Variants in SLC12A7 observed in about 807,000 individuals in gnomAD.
SLC12A7 encodes K-Cl cotransporter 4.
SLC12A7 carries 100 observed loss-of-function variants against 120.6 expected under a neutral mutation model. The ratio of observed to expected loss-of-function variants is 0.83; its 90% CI spans 0.71 to 0.98. The LOEUF (loss-of-function observed/expected upper bound fraction) is 0.98. SLC12A7 is among the 50% of genes least tolerant of loss of function. The pLI is 0.00. For synonymous variants in SLC12A7, 760 were observed against 678.0 expected (o/e 1.12, Z -1.88); for missense variants, 1,373 against 1,548.1 (o/e 0.89, Z 1.90).
chr5:1,094,760 G>A (rs759046682), intron 1 of SLC12A7, among the ~76,000 whole-genome samples: 41 of 152,188 alleles, frequency 2.7e-4, no homozygotes, highest in Non-Finnish European at 4.9e-4. Flanking sequence ...GGGACACAGA[G>A]GACTTCCCAC....
chr5:1,154,154 C>A, the SLC12A7 span, among the ~76,000 whole-genome samples: 1 of 151,922 alleles, frequency 6.6e-6, no homozygotes, highest in Non-Finnish European at 1.5e-5. Context: ...GTCCCGTCCA[C>A]CTCATCTCCA....
chr5:1,119,507 G>A, the SLC12A7 span, among the ~76,000 whole-genome samples: 29 of 152,348 alleles, frequency 1.9e-4, no homozygotes, highest in African/African-American at 7.0e-4. Context: ...TGCCTTGGCT[G>A]CACCATGACC....
the SLC12A7 span, among the ~76,000 whole-genome samples, chr5:1,126,168 C>A: frequency 1.4e-4 from 22 of 152,248 alleles, no homozygotes; most frequent in African/African-American, 5.3e-4. Flanking sequence ...GCAGCCTCCA[C>A]CTCCCAGGTT....
At position 1,052,434 on chromosome 5, in the gene SLC12A7, C is replaced by T. The variant is rs1178951951; in HGVS notation, c.3178G>A (p.Val1060Ile). 1 of 1,612,856 alleles carries T rather than the reference C, an allele frequency of 6.2e-7. No homozygotes were observed. Among genetic ancestry groups the T allele is most frequent in the South Asian group, 1.1e-5 (1 of 91,078 alleles). ...ACTCTGTTCAGCCCCTCGGTCAGGA[C>T]TTCAAGAAACTCCATGTCTGTGGTC... ...GDENYMEFLE[V>I]LTEGLNRVLL... Residue 1060 changes from valine to isoleucine, a missense_variant, in exon 24 of 24, where the codon GTC becomes ATC. Transcript: ENST00000264930.
chr5:1,079,525 C>G (rs1035845547), intron 9 of SLC12A7, 29 bp from the exon 10 acceptor site: 1 of 1,571,142 alleles, frequency 6.4e-7, no homozygotes, highest in Non-Finnish European at 8.8e-7. Context: ...CTGCAAAGAC[C>G]CATCTGAGGA....
intron 8 of SLC12A7, among the ~76,000 whole-genome samples, chr5:1,082,119 C>T (rs1739214321): frequency 7.1e-6 from 1 of 141,772 alleles, no homozygotes; most frequent in East Asian, 2.3e-4. Context: ...CTGGAAAGTC[C>T]GGGCTTCCCC....
At chr5:1,092,822 A>ACC (rs1740668766) in intron 3 of SLC12A7, among the ~76,000 whole-genome samples, 1 of 151,984 alleles carries the variant, frequency 6.6e-6, no homozygotes, top group Non-Finnish European at 1.5e-5. Context: ...AAACTGAGCC[A>ACC]CCCGCCGCAC....
chr5:1,075,198 G>A (rs1348769766), intron 15 of SLC12A7, among the ~76,000 whole-genome samples, 173 bp downstream of exon 15: 4 of 152,172 alleles, frequency 2.6e-5, no homozygotes, highest in Non-Finnish European at 5.9e-5. Context: ...AAGTGGGAGG[G>A]AAACCCCAGC....
Position 1,077,971 on chromosome 5 carries a change from G to A in SLC12A7, c.1491C>T (p.Gly497=), listed in dbSNP as rs201854653. 1.5e-4 allele frequency: 246 copies of A among 1,592,782 alleles called. 1 individual carries two copies. In the East Asian group the frequency reaches 5.4e-3, roughly 35 times the overall value. Reference sequence around the variant, plus strand: ...CCCAGGGGGAGGGCCAGGCCAGCATGCCGATGACCAGGTTCCCCTGCAGGG... The same window carrying A: ...CCCAGGGGGAGGGCCAGGCCAGCATACCGATGACCAGGTTCCCCTGCAGGG... The part of the protein sequence containing the change: ...GEALQGNLVI[G]MLAWPSPWVI... The change falls in exon 12 of 24, where the codon GGC becomes GGT. Residue 497 remains glycine, a synonymous_variant. Coordinates refer to ENST00000264930, the MANE Select transcript of SLC12A7 (RefSeq NM_006598.3).
intron 3 of SLC12A7, 115 bp from the exon 4 acceptor site, chr5:1,089,243 G>C: frequency 8.8e-7 from 1 of 1,139,334 alleles, no homozygotes; most frequent in Non-Finnish European, 1.2e-6. Context: ...GCAGGAGGGG[G>C]CAGGAGTCCT....
At chr5:1,138,819 G>A in the SLC12A7 span, among the ~76,000 whole-genome samples, 1 of 152,190 alleles carries the variant, frequency 6.6e-6, no homozygotes, top group South Asian at 2.1e-4. Flanking sequence ...CCCACTGCCC[G>A]ACACAGCCCT....
chr5:1,083,435 A>C (rs1358551440), intron 8 of SLC12A7, among the ~76,000 whole-genome samples: 1 of 152,084 alleles, frequency 6.6e-6, no homozygotes, highest in Non-Finnish European at 1.5e-5. Flanking sequence ...CCCAGCTACC[A>C]CTCCCTTCTT....
chr5:1,093,610 G>A lies in SLC12A7; in HGVS notation c.265C>T (p.Leu89=), dbSNP rs773463784. 4 of 1,613,134 alleles carry A rather than the reference G, an allele frequency of 2.5e-6. No homozygotes were observed. The highest frequency in any genetic ancestry group is 3.4e-6 in the Non-Finnish European group (4 of 1,179,868). Residue 89 remains leucine, a synonymous_variant, in exon 3 of 24, where the codon CTG becomes TTG. Transcript: ENST00000264930. ...TGGCTCAGGTTGGTGTAGTTGGCCA[G>A]CTTGTTGAGCAGCGAGGACACCATG... ...NPMVSSLLNK[L]ANYTNLSQGV...
rs200019026 is a variant in SLC12A7, at chr5:1,060,471, G to C, written c.2740-20C>G. 6.3e-7 allele frequency: 1 copy of C among 1,576,724 alleles called. No individual in the cohort carries two copies. The highest frequency in any genetic ancestry group is 2.2e-5 in the East Asian group (1 of 44,690). On this transcript the variant is annotated intron_variant, in intron 20 of 23. Transcript: ENST00000264930. Reference sequence around the variant, plus strand: ...TTCAACCTAGAAAGTTCCCAAGCACGTAGTAAGCCCGGTGTGCACAGAACC... The same window carrying C: ...TTCAACCTAGAAAGTTCCCAAGCACCTAGTAAGCCCGGTGTGCACAGAACC...
At chr5:1,144,374 G>A in the SLC12A7 span, among the ~76,000 whole-genome samples, 2 of 152,248 alleles carry the variant, frequency 1.3e-5, no homozygotes, top group African/African-American at 2.4e-5. Flanking sequence ...CCCTTTGAAC[G>A]AGATCCTGGA....
Position 1,085,158 on chromosome 5 carries a change from G to A in SLC12A7, c.917+74C>T, listed in dbSNP as rs567902645. 1.1e-4 allele frequency: 166 copies of A among 1,561,566 alleles called. No homozygotes were observed. In the African/African-American group the frequency reaches 1.2e-3, roughly 11 times the overall value. ...GAGCTCGGCGTCAAGGATGATGGAC[G>A]AGAGGCGGGCAGAGCCCATGGGACC... On this transcript the variant is annotated intron_variant, in intron 7 of 23. Transcript: ENST00000264930.
rs371111616 is a variant in SLC12A7 at position 1,079,507 on chromosome 5, G to C, written c.1298-11C>G. 1.1e-5 allele frequency: 18 copies of C among 1,608,110 alleles called. No homozygotes were observed. The highest frequency in any genetic ancestry group is 1.5e-5 in the Non-Finnish European group (18 of 1,175,846). On this transcript the variant is annotated splice_polypyrimidine_tract_variant and intron_variant, in intron 9 of 23. Coordinates refer to ENST00000264930, the MANE Select transcript of SLC12A7 (RefSeq NM_006598.3). The stretch of plus-strand genomic sequence containing the variant: ...AACCCGCCATGATACCTGTGAACAT[G>C]GAAAATGCTGCAAAGACCCATCTGA...
intron 21 of SLC12A7, among the ~76,000 whole-genome samples, chr5:1,059,700 C>T (rs990275129): frequency 6.7e-6 from 1 of 148,782 alleles, no homozygotes; most frequent in East Asian, 2.0e-4. Flanking sequence ...CCCACGGAGC[C>T]AAAGCCGCTG....
chr5:1,069,239 A>AT (rs1561050544), intron 17 of SLC12A7, among the ~76,000 whole-genome samples: 4 of 151,876 alleles, frequency 2.6e-5, no homozygotes, highest in African/African-American at 4.8e-5. Context: ...GGCGGGGGCC[A>AT]TTTTTTACCT....
Sources: gnomAD v4.1 joint callset for allele counts (sites outside exome capture counted in the v4.1 genomes callset) on GRCh38, gnomAD v4.1.1 for gene constraint, MANE v1.5 for transcripts, NCBI Gene and HGNC (gene_info 2026-07-23, HGNC 2026-07-21) for gene names.